KPNA1: variants seen among roughly 807,000 people sequenced by gnomAD.
KPNA1 encodes importin subunit alpha-5.
Under a neutral mutation model 70.5 loss-of-function variants are expected in KPNA1, and 10 were observed. The ratio of observed to expected loss-of-function variants is 0.14; its 90% CI spans 0.09 to 0.24. The LOEUF is 0.24. Ranked by LOEUF, KPNA1 falls within the 10% of genes least tolerant of loss-of-function variation. The pLI is 1.00. For synonymous variants in KPNA1, 192 were observed against 221.9 expected (o/e 0.87, Z 1.20); for missense variants, 397 against 637.9 (o/e 0.62, Z 4.07).
At chr3:122,511,352 G>A (rs2076953210) in intron 1 of KPNA1, among the ~76,000 whole-genome samples, 1 of 152,158 alleles carries the variant, frequency 6.6e-6, no homozygotes, top group African/African-American at 2.4e-5. Context: ...CTTTGTATAT[G>A]AAGGGCAGCA....
intron 2 of KPNA1, among the ~76,000 whole-genome samples, chr3:122,478,330 T>C (rs545785063): frequency 3.3e-5 from 5 of 151,390 alleles, no homozygotes; most frequent in Non-Finnish European, 7.4e-5. Context: ...CTAAATGTAA[T>C]AAAAAACTAG....
intron 9 of KPNA1, 86 bp from the exon 10 acceptor site, chr3:122,442,202 A>T: frequency 9.8e-7 from 1 of 1,023,846 alleles, no homozygotes; most frequent in Non-Finnish European, 1.5e-6. Flanking sequence ...AAACAAAAAA[A>T]TTGTGATAGA....
intron 1 of KPNA1, among the ~76,000 whole-genome samples, chr3:122,500,484 CCT>C: frequency 6.6e-6 from 1 of 151,250 alleles, no homozygotes; most frequent in East Asian, 2.0e-4. Flanking sequence ...AGTAATGTCT[CCT>C]CTTTCATTTC....
rs1007284107 is a variant in KPNA1, at chr3:122,461,241, C to T, written c.415G>A (p.Glu139Lys). The T allele has an allele frequency of 6.2e-7, 1 of 1,611,774 alleles. No homozygotes were observed. The highest frequency in any genetic ancestry group is 1.3e-5 in the African/African-American group (1 of 74,958). The change falls in exon 5 of 14, where the codon GAG (glutamate) becomes AAG (lysine). Residue 139 changes from glutamate (E) to lysine (K), a missense_variant. Coordinates refer to ENST00000344337, the MANE Select transcript of KPNA1 (RefSeq NM_002264.4). ...ATTCGCACCTGCAGTGTACAATTCT[C>T]TTTTCGTTTGAGGAACTCCACAAAC... ...ARFVEFLKRK[E>K]NCTLQFESAW... is the part of the protein sequence containing the mutation.
At chr3:122,499,474 C>T (rs188636638) in intron 1 of KPNA1, among the ~76,000 whole-genome samples, 12 of 151,440 alleles carry the variant, frequency 7.9e-5, no homozygotes, top group Admixed American at 3.3e-4. Flanking sequence ...AGACAAGGGA[C>T]GGGTAGAGTG....
intron 1 of KPNA1, among the ~76,000 whole-genome samples, chr3:122,500,387 G>C (rs2076813853): frequency 6.6e-6 from 1 of 152,110 alleles, no homozygotes; most frequent in Non-Finnish European, 1.5e-5. Context: ...CTCCCAAAGT[G>C]CTGGGATTAT....
intron 1 of KPNA1, among the ~76,000 whole-genome samples, chr3:122,501,906 C>G (rs1458360945): frequency 6.6e-6 from 1 of 152,154 alleles, no homozygotes; most frequent in Admixed American, 6.5e-5. Flanking sequence ...AGGACCATTT[C>G]CAGAGGCTTT....
chr3:122,456,955 C>T (rs2076271260), intron 5 of KPNA1, among the ~76,000 whole-genome samples: 1 of 152,120 alleles, frequency 6.6e-6, no homozygotes, highest in Non-Finnish European at 1.5e-5. Flanking sequence ...GAAAGCTAAT[C>T]AAGCTGTATT....
chr3:122,487,882 G>A (rs1008358129), intron 2 of KPNA1, among the ~76,000 whole-genome samples: 3 of 152,116 alleles, frequency 2.0e-5, no homozygotes, highest in Non-Finnish European at 4.4e-5. Context: ...ACTTAAAAAT[G>A]AGTAAGAGGA....
At chr3:122,503,078 A>G (rs2076848188) in intron 1 of KPNA1, among the ~76,000 whole-genome samples, 1 of 152,160 alleles carries the variant, frequency 6.6e-6, no homozygotes, top group African/African-American at 2.4e-5. Context: ...ATCCCATCTC[A>G]AAACAAAAAA....
At chr3:122,494,449 G>C (rs989069595) in intron 2 of KPNA1, among the ~76,000 whole-genome samples, 1 of 152,052 alleles carries the variant, frequency 6.6e-6, no homozygotes, top group Non-Finnish European at 1.5e-5. Flanking sequence ...TGACAGTATG[G>C]GGCTTTATTT....
At chr3:122,443,856 G>A (rs2076098655) in intron 9 of KPNA1, among the ~76,000 whole-genome samples, 1 of 152,154 alleles carries the variant, frequency 6.6e-6, no homozygotes, top group South Asian at 2.1e-4. Flanking sequence ...TAGAACTGCT[G>A]ATGAGGTTTC....
chr3:122,483,933 C>A (rs2107483560), intron 2 of KPNA1, among the ~76,000 whole-genome samples: 1 of 152,198 alleles, frequency 6.6e-6, no homozygotes, highest in East Asian at 1.9e-4. Context: ...CATTTAATGT[C>A]TTGAATATTT....
At chr3:122,451,880 C>T in intron 7 of KPNA1, 96 bp downstream of exon 7, 1 of 841,284 alleles carries the variant, frequency 1.2e-6, no homozygotes, top group Non-Finnish European at 1.9e-6. Flanking sequence ...ACTAGAAAAT[C>T]CAAAATGATT....
chr3:122,458,144 T>C (rs2076284529), intron 5 of KPNA1, among the ~76,000 whole-genome samples: 1 of 152,254 alleles, frequency 6.6e-6, no homozygotes, highest in African/African-American at 2.4e-5. Flanking sequence ...TATTTCTAGC[T>C]ATTTTTATAA....
At position 122,452,162 on chromosome 3, in the gene KPNA1, T is replaced by C. The variant is rs1010305368; in HGVS notation, c.565-98A>G. 1.1e-5 allele frequency: 9 copies of C among 804,280 alleles called. No individual in the cohort carries two copies. The African/African-American group carries it at 1.2e-4, about 11-fold the overall frequency. 49.8% of individuals were successfully genotyped at this position (804,280 alleles called of 1,614,324 possible). On this transcript the variant is annotated intron_variant, in intron 6 of 13. Transcript: ENST00000344337. ...TCACAATAACACGTTCATCAGGGAG[T>C]CAAATGAAACAGTTGTAGGATTGGG...
intron 8 of KPNA1, among the ~76,000 whole-genome samples, chr3:122,450,159 C>T (rs1280281403): frequency 3.3e-5 from 5 of 151,970 alleles, no homozygotes; most frequent in African/African-American, 1.2e-4. Flanking sequence ...ACAAAAATAC[C>T]CATTTATTTT....
intron 1 of KPNA1, among the ~76,000 whole-genome samples, chr3:122,503,477 A>G (rs2076853789): frequency 6.6e-6 from 1 of 152,210 alleles, no homozygotes; most frequent in Admixed American, 6.5e-5. Flanking sequence ...ATAGGCAGCA[A>G]GTTGAATAAA....
intron 10 of KPNA1, among the ~76,000 whole-genome samples, chr3:122,437,592 C>A (rs1443359345): frequency 3.2e-4 from 48 of 152,176 alleles, no homozygotes; most frequent in Admixed American, 3.1e-3. Flanking sequence ...TAGCGTAAGT[C>A]TTCTGAATGG....
Sources: allele counts gnomAD v4.1 joint callset (sites outside exome capture counted in the v4.1 genomes callset), GRCh38; gene constraint gnomAD v4.1.1; transcripts MANE v1.5; gene names NCBI Gene and HGNC (gene_info 2026-07-23, HGNC 2026-07-21).